Variants in NUBP1 observed in about 807,000 individuals in gnomAD.
NUBP1 encodes NUBP iron-sulfur cluster assembly factor 1, cytosolic, also known as cytosolic Fe-S cluster assembly factor NUBP1.
Under a neutral mutation model 41.8 loss-of-function variants are expected in NUBP1, and 46 were observed. The observed-to-expected ratio is 1.10, with a 90% confidence interval of 0.87 to 1.41. The LOEUF (loss-of-function observed/expected upper bound fraction) is 1.41. NUBP1 is among the 40% of genes most tolerant of loss of function. NUBP1 has a pLI of 0.00. For synonymous variants in NUBP1, 189 were observed against 154.6 expected (o/e 1.22, Z -1.65); for missense variants, 494 against 414.0 (o/e 1.19, Z -1.68).
chr16:10,767,770 G>A lies in NUBP1; in HGVS notation c.821-179G>A. 8.3e-6 allele frequency: 5 copies of A among 604,602 alleles called. No homozygotes were observed. The South Asian group carries it at 1.0e-4, about 12-fold the overall frequency. The allele number at this position is 604,602 out of a possible 1,614,324, so 37.5% of individuals were successfully genotyped here. On this transcript the variant is annotated intron_variant, in intron 9 of 10. Coordinates refer to ENST00000283027, the MANE Select transcript of NUBP1 (RefSeq NM_002484.4). This position sits in a 1 kb window ranked among gnomAD's most constrained non-coding sequence, Gnocchi z 4.6. ...TAGCCACGCTGAAATGCTGGCTGGG[G>A]ACCCTGCTGGAAGGAAGGTCCCTGA...
Position 10,769,303 on chromosome 16 carries a change from G to A in NUBP1, c.*198G>A, listed in dbSNP as rs2031356498. 1 of 540,398 alleles carries A rather than the reference G, an allele frequency of 1.9e-6. No homozygotes were observed. The highest frequency in any genetic ancestry group is 1.9e-5 in the African/African-American group (1 of 51,796). 33.5% of individuals were successfully genotyped at this position (540,398 alleles called of 1,614,324 possible). On this transcript the variant is annotated 3_prime_UTR_variant, in exon 11 of 11. Coordinates refer to ENST00000283027, the MANE Select transcript of NUBP1 (RefSeq NM_002484.4). Reference sequence around the variant, plus strand: ...CTTTTCTTTAGAACATATATAAAGGGCATTCTCTACAAATGTGCCGTTTTA... The same window carrying A: ...CTTTTCTTTAGAACATATATAAAGGACATTCTCTACAAATGTGCCGTTTTA...
chr16:10,766,757 CA>C lies in NUBP1; in HGVS notation c.821-1189del. On this transcript the variant is annotated intron_variant, in intron 9 of 10. Coordinates refer to ENST00000283027, the MANE Select transcript of NUBP1 (RefSeq NM_002484.4). The surrounding 1 kb of genome is among the most constrained non-coding windows in gnomAD (Gnocchi z 4.8). The stretch of plus-strand genomic sequence containing the variant: ...GAGAACGGGCCTGAGAATAGGGGCT[CA>C]AAGGCCCCATTACAGAGTTTTTGTG... 1 of 396,096 alleles carries C rather than the reference CA, an allele frequency of 2.5e-6. No homozygotes were observed. The allele number at this position is 396,096 out of a possible 1,614,324, so 24.5% of individuals were successfully genotyped here. A position where few individuals can be genotyped will look rare whatever the true frequency, so the allele number is the denominator to read the frequency against.
rs2031280948 is a variant in NUBP1, at chr16:10,768,822, A to G, written c.905-225A>G. Reference sequence around the variant, plus strand: ...ACAGCATTCCCAGAATCCTCCATCTATAGATGGTCCGAGGAAGGCCGCAGC... The same window carrying G: ...ACAGCATTCCCAGAATCCTCCATCTGTAGATGGTCCGAGGAAGGCCGCAGC... On this transcript the variant is annotated intron_variant, in intron 10 of 10. Transcript: ENST00000283027. This position sits in a 1 kb window ranked among gnomAD's most constrained non-coding sequence, Gnocchi z 4.3. 2.1e-6 allele frequency: 1 copy of G among 481,832 alleles called. No homozygotes were observed. The highest frequency in any genetic ancestry group is 3.7e-6 in the Non-Finnish European group (1 of 272,436). The allele number at this position is 481,832 out of a possible 1,614,324, so 29.8% of individuals were successfully genotyped here.
rs910660218 is a variant in NUBP1, at chr16:10,767,551, T to TAGCC, written c.821-397_821-394dup. 13 of 456,046 alleles carry TAGCC rather than the reference T, an allele frequency of 2.9e-5. No individual in the cohort carries two copies. Among genetic ancestry groups the TAGCC allele is most frequent in the African/African-American group, 2.4e-4 (12 of 50,220 alleles). 28.2% of individuals were successfully genotyped at this position (456,046 alleles called of 1,614,324 possible). A position where few individuals can be genotyped will look rare whatever the true frequency, so the allele number is the denominator to read the frequency against. ...TCTGGAAAGACACCTAGAACACTAGTAGCCCTTTTCGGACTTGGCCTTTTA... is the reference window on the plus strand; with the variant it reads ...TCTGGAAAGACACCTAGAACACTAGTAGCCAGCCCTTTTCGGACTTGGCCTTTTA... On this transcript the variant is annotated intron_variant, in intron 9 of 10. Coordinates refer to ENST00000283027, the MANE Select transcript of NUBP1 (RefSeq NM_002484.4). The surrounding 1 kb of genome is among the most constrained non-coding windows in gnomAD (Gnocchi z 4.6).
rs150125983 is a variant in NUBP1 at position 10,760,696 on chromosome 16, C to T, written c.607-668C>T. Among the ~76,000 whole-genome samples the T allele has an allele frequency of 1.4e-4, 22 of 152,258 alleles. 1 individual carries two copies. The East Asian group carries it at 4.2e-3, about 29-fold the overall frequency. ...AGGCTGCAGTGAGCAATGATTATGC[C>T]ACTGCACTCCAGACTGGGCAGCAGT... is the stretch of plus-strand genomic sequence containing the variant. On this transcript the variant is annotated intron_variant, in intron 7 of 10. Coordinates refer to ENST00000283027, the MANE Select transcript of NUBP1 (RefSeq NM_002484.4).
At position 10,769,109 on chromosome 16, in the gene NUBP1, G is replaced by T. The variant is rs1039207477; in HGVS notation, c.*4G>T. The T allele has an allele frequency of 6.2e-7, 1 of 1,613,546 alleles. No individual in the cohort carries two copies. The highest frequency in any genetic ancestry group is 1.1e-5 in the South Asian group (1 of 91,062). On this transcript the variant is annotated 3_prime_UTR_variant, in exon 11 of 11. Transcript: ENST00000283027. The stretch of plus-strand genomic sequence containing the variant: ...AGAGAACCTCATCAGTTCCTGAAAC[G>T]AGAGAATGTTCAGGACCAAGCAGTT...
intron 9 of NUBP1, among the ~76,000 whole-genome samples, chr16:10,764,321 G>T (rs570681848): frequency 6.6e-6 from 1 of 152,084 alleles, no homozygotes. Context: ...GAGCATCTCA[G>T]TCTGCTGGAG....
In NUBP1 at chr16:10,757,880, C is replaced by G. The variant is rs753723145; in HGVS notation, c.459C>G (p.Ile153Met). 2 of 1,613,556 alleles carry G rather than the reference C, an allele frequency of 1.2e-6. No homozygotes were observed. The highest frequency in any genetic ancestry group is 3.3e-5 in the Admixed American group (2 of 59,978). The change falls in exon 7 of 11, where the codon ATC (isoleucine) becomes ATG (methionine). Residue 153 changes from isoleucine to methionine, a missense_variant. By Grantham distance (10) the Ile-to-Met change is conservative. Coordinates refer to ENST00000283027, the MANE Select transcript of NUBP1 (RefSeq NM_002484.4). The surrounding 1 kb of genome is among the most constrained non-coding windows in gnomAD (Gnocchi z 4.1). ...GTGGATTCCTCTTTCTAGGCATGAT[C>G]AAGCAGTTCCTCCGAGATGTGGACT... is the stretch of plus-strand genomic sequence containing the variant. ...IWRGPKKNGM[I>M]KQFLRDVDWG...
chr16:10,745,338 A>C (rs1311709379), intron 2 of NUBP1, among the ~76,000 whole-genome samples: 1 of 152,050 alleles, frequency 6.6e-6, no homozygotes, highest in African/African-American at 2.4e-5. Flanking sequence ...ATGGTGGTGC[A>C]TGCCCGCCCT....
In NUBP1 at chr16:10,757,788, C is replaced by A. The variant is rs186154096; in HGVS notation, c.452-85C>A. On this transcript the variant is annotated intron_variant, in intron 6 of 10. Coordinates refer to ENST00000283027, the MANE Select transcript of NUBP1 (RefSeq NM_002484.4). This position sits in a 1 kb window ranked among gnomAD's most constrained non-coding sequence, Gnocchi z 4.1. ...AGCCAACCTGGGCAACATAGCAAGA[C>A]CCCATCCTTTAAAAAAAAAAGAGGG... 2 of 1,534,124 alleles carry A rather than the reference C, an allele frequency of 1.3e-6. No individual in the cohort carries two copies. The highest frequency in any genetic ancestry group is 2.3e-5 in the East Asian group (1 of 44,056).
rs560891578 is a variant in NUBP1, at chr16:10,768,017, A to G, written c.889A>G (p.Arg297Gly). The change falls in exon 10 of 11, where the codon AGA (arginine) becomes GGA (glycine). Residue 297 changes from arginine (R) to glycine (G), a missense_variant. Coordinates refer to ENST00000283027, the MANE Select transcript of NUBP1 (RefSeq NM_002484.4). This position sits in a 1 kb window ranked among gnomAD's most constrained non-coding sequence, Gnocchi z 4.3. ...APDSPATLAY[R>G]SIIQRIQEFC... Reference sequence around the variant, plus strand: ...AGATTCCCCAGCCACGTTAGCCTACAGAAGTATAATTCAGAGTAAGTATTT... The same window carrying G: ...AGATTCCCCAGCCACGTTAGCCTACGGAAGTATAATTCAGAGTAAGTATTT... The G allele has an allele frequency of 1.1e-5, 18 of 1,614,070 alleles. No individual in the cohort carries two copies. In the South Asian group the frequency reaches 1.9e-4, roughly 17 times the overall value.
At position 10,747,827 on chromosome 16, in the gene NUBP1, C is replaced by G. The variant is rs138990524; in HGVS notation, c.258+551C>G. Among the ~76,000 whole-genome samples, 536 of 152,308 alleles carry G rather than the reference C, an allele frequency of 3.5e-3. 7 individuals carry two copies. Among genetic ancestry groups the G allele is most frequent in the African/African-American group, 0.012 (491 of 41,564 alleles). On this transcript the variant is annotated intron_variant, in intron 3 of 10. Transcript: ENST00000283027. ...TACATTACGTTCACGCTTCTTTTTC[C>G]TCTTTATTAACCCCTTTTAGCTTTT...
chr16:10,756,827 T>C (rs967030595), intron 6 of NUBP1, 47 bp downstream of exon 6: 4 of 1,492,602 alleles, frequency 2.7e-6, no homozygotes, highest in Non-Finnish European at 3.7e-6. Context: ...TCCACGAGCG[T>C]TGTGGCTCTT....
chr16:10,745,178 A>C (rs1900005389), intron 2 of NUBP1, among the ~76,000 whole-genome samples: 1 of 150,390 alleles, frequency 6.6e-6, no homozygotes, highest in South Asian at 2.1e-4. Context: ...TCAAAAATGG[A>C]GACAGGCCGG....
chr16:10,765,633 AC>A lies in NUBP1; in HGVS notation c.821-2315del, dbSNP rs1294630175. Among the ~76,000 whole-genome samples the A allele has an allele frequency of 1.3e-5, 2 of 152,208 alleles. No homozygotes were observed. The highest frequency in any genetic ancestry group is 2.9e-5 in the Non-Finnish European group (2 of 68,048). On this transcript the variant is annotated intron_variant, in intron 9 of 10. Transcript: ENST00000283027. This position sits in a 1 kb window ranked among gnomAD's most constrained non-coding sequence, Gnocchi z 4.0. Reference sequence around the variant, plus strand: ...GACCTTGGGGCTATTAGATCCTGATACGGCTTTTCTTCCAAAGAGCCAGCAA... The same window carrying A: ...GACCTTGGGGCTATTAGATCCTGATAGGCTTTTCTTCCAAAGAGCCAGCAA...
intron 7 of NUBP1, 127 bp from the exon 8 acceptor site, chr16:10,761,237 A>T: frequency 1.3e-6 from 1 of 781,160 alleles, no homozygotes; most frequent in Non-Finnish European, 2.1e-6. Context: ...GCCAAACCCT[A>T]TCAGGGCAGA....
chr16:10,766,283 G>C lies in NUBP1; in HGVS notation c.821-1666G>C, dbSNP rs1321107766. ...AAAATGCAGGTGACAGTGGTGCCTA[G>C]TGAGAGGGATCTGCCAGGGTGGGGT... is the stretch of plus-strand genomic sequence containing the variant. On this transcript the variant is annotated intron_variant, in intron 9 of 10. Transcript: ENST00000283027. This position sits in a 1 kb window ranked among gnomAD's most constrained non-coding sequence, Gnocchi z 4.8. The C allele has an allele frequency of 6.6e-6, 1 of 152,538 alleles. No homozygotes were observed. The highest frequency in any genetic ancestry group is 1.5e-5 in the Non-Finnish European group (1 of 68,298). The allele number at this position is 152,538 out of a possible 1,614,324, so 9.4% of individuals were successfully genotyped here. A position where few individuals can be genotyped will look rare whatever the true frequency, so the allele number is the denominator to read the frequency against.
chr16:10,754,333 C>T (rs1000625861), intron 4 of NUBP1, among the ~76,000 whole-genome samples: 15 of 152,052 alleles, frequency 9.9e-5, no homozygotes, highest in African/African-American at 3.4e-4. Flanking sequence ...ACCTCCGCCT[C>T]CCGGGCTCAA....
chr16:10,750,250 T>C (rs945978506), intron 3 of NUBP1, among the ~76,000 whole-genome samples: 1 of 152,164 alleles, frequency 6.6e-6, no homozygotes, highest in African/African-American at 2.4e-5. Flanking sequence ...AAACTTTTTT[T>C]GTTTGTTTTT....
Sources: gnomAD v4.1 joint callset for allele counts (sites outside exome capture counted in the v4.1 genomes callset) on GRCh38, gnomAD v4.1.1 for gene constraint, Gnocchi (gnomAD v3.1) non-coding constraint, MANE v1.5 for transcripts, NCBI Gene and HGNC (gene_info 2026-07-23, HGNC 2026-07-21) for gene names.